NKAIN3: variants seen among roughly 807,000 people sequenced by gnomAD.
The protein encoded by NKAIN3 is sodium/potassium transporting ATPase interacting 3.
NKAIN3 carries 25 observed loss-of-function variants against 30.2 expected under a neutral mutation model. The observed-to-expected ratio is 0.83, with a 90% confidence interval of 0.60 to 1.16. The LOEUF is 1.16. Among genes scored for constraint, NKAIN3 ranks in the 50% most tolerant of loss-of-function variants. The pLI, the probability that NKAIN3 is intolerant of heterozygous loss-of-function variation, is 0.00. For missense variants in NKAIN3, 225 were observed against 254.1 expected, an observed-to-expected ratio of 0.89 and a Z score of 0.78; for synonymous variants, 91 against 89.6, an observed-to-expected ratio of 1.02 and a Z score of -0.09.
intron 4 of NKAIN3, among the ~76,000 whole-genome samples, chr8:62,851,120 C>G (rs1050859065): frequency 6.6e-6 from 1 of 152,026 alleles, no homozygotes. Context: ...CTTGTATCCT[C>G]TTTTATTTCC....
In NKAIN3 at chr8:62,834,950, CA is replaced by C. The variant is rs1819313383; in HGVS notation, c.472-83499del. On this transcript the variant is annotated intron_variant, in intron 4 of 6. Coordinates refer to ENST00000623646, the MANE Select transcript of NKAIN3 (RefSeq NM_001304533.3). ...AAATATACAATAAGGCAGCAGTAATCAAAACAGCATGGTACTGGTACAAAAA... is the reference window on the plus strand; with the variant it reads ...AAATATACAATAAGGCAGCAGTAATCAAACAGCATGGTACTGGTACAAAAA... Among the ~76,000 whole-genome samples, 4 of 152,058 alleles carry C rather than the reference CA, an allele frequency of 2.6e-5. No homozygotes were observed. In the South Asian group the frequency reaches 8.3e-4, roughly 32 times the overall value.
intron 1 of NKAIN3, among the ~76,000 whole-genome samples, chr8:62,257,728 A>C (rs367724551): frequency 6.6e-6 from 1 of 152,216 alleles, no homozygotes; most frequent in African/African-American, 2.4e-5. Flanking sequence ...AGCAAATTTC[A>C]AGGTTGTAAA....
intron 4 of NKAIN3, among the ~76,000 whole-genome samples, chr8:62,816,629 T>C (rs1818691509): frequency 1.3e-5 from 2 of 152,052 alleles, no homozygotes; most frequent in African/African-American, 4.8e-5. Flanking sequence ...GCGATCAGGG[T>C]GTAGAGTGCT....
chr8:62,455,102 C>T (rs1585827291), intron 1 of NKAIN3, among the ~76,000 whole-genome samples: 1 of 152,168 alleles, frequency 6.6e-6, no homozygotes, highest in East Asian at 1.9e-4. Context: ...AGGATAAAGT[C>T]AGAGAAGAGG....
At chr8:62,349,776 T>C (rs1585710702) in intron 1 of NKAIN3, among the ~76,000 whole-genome samples, 1 of 152,104 alleles carries the variant, frequency 6.6e-6, no homozygotes. Context: ...AAGACAAAGT[T>C]TGAATTCTTC....
intron 1 of NKAIN3, among the ~76,000 whole-genome samples, chr8:62,309,193 T>TTGTACACC (rs2129588522): frequency 6.6e-6 from 1 of 150,846 alleles, no homozygotes; most frequent in East Asian, 1.9e-4. Flanking sequence ...AAAATAATAT[T>TTGTACACC]TGTACACCTG....
intron 4 of NKAIN3, among the ~76,000 whole-genome samples, chr8:62,885,590 A>G (rs753732100): frequency 3.3e-5 from 5 of 152,216 alleles, no homozygotes; most frequent in Non-Finnish European, 5.9e-5. Flanking sequence ...TGAAGTCTCC[A>G]AGTACAATAG....
chr8:62,854,396 A>G (rs1479198323), intron 4 of NKAIN3, among the ~76,000 whole-genome samples: 1 of 152,212 alleles, frequency 6.6e-6, no homozygotes, highest in Non-Finnish European at 1.5e-5. Flanking sequence ...TATTGGGTGC[A>G]TATATATTTA....
chr8:62,893,313 A>T (rs1323665913), intron 4 of NKAIN3, among the ~76,000 whole-genome samples: 1 of 152,202 alleles, frequency 6.6e-6, no homozygotes, highest in South Asian at 2.1e-4. Flanking sequence ...TGTTTCAAGG[A>T]GTAGCAGCCA....
At chr8:62,356,475 A>G (rs150965086) in intron 1 of NKAIN3, among the ~76,000 whole-genome samples, 1 of 152,290 alleles carries the variant, frequency 6.6e-6, no homozygotes, top group African/African-American at 2.4e-5. Flanking sequence ...GTTGGCACCC[A>G]TATCCACCCA....
In NKAIN3 at chr8:62,913,833, C is replaced by T. The variant is rs565865137; in HGVS notation, c.472-4620C>T. Among the ~76,000 whole-genome samples, 5 of 152,218 alleles carry T rather than the reference C, an allele frequency of 3.3e-5. No individual in the cohort carries two copies. In the South Asian group the frequency reaches 1.0e-3, roughly 32 times the overall value. On this transcript the variant is annotated intron_variant, in intron 4 of 6. Coordinates refer to ENST00000623646, the MANE Select transcript of NKAIN3 (RefSeq NM_001304533.3). ...CAATACCCCCAGAATTTGAAATTGT[C>T]AAGAAAACTGTTTGAAATGTGCTAT...
At chr8:62,270,336 C>T (rs1463499063) in intron 1 of NKAIN3, among the ~76,000 whole-genome samples, 1 of 152,120 alleles carries the variant, frequency 6.6e-6, no homozygotes, top group Non-Finnish European at 1.5e-5. Context: ...CCTTCCTTGG[C>T]CTCTCAAAGT....
intron 3 of NKAIN3, among the ~76,000 whole-genome samples, chr8:62,729,043 A>AAAAAC (rs1815378607): frequency 3.9e-5 from 5 of 128,652 alleles, no homozygotes; most frequent in African/African-American, 6.5e-5. Context: ...AAAAAAACAA[A>AAAAAC]AAAAAAAAAC....
intron 1 of NKAIN3, among the ~76,000 whole-genome samples, chr8:62,445,771 T>G (rs1173853777): frequency 1.3e-5 from 2 of 152,144 alleles, no homozygotes; most frequent in African/African-American, 4.8e-5. Context: ...AAAATCTACC[T>G]TCAAAATAGG....
At chr8:62,497,615 C>A (rs575631055) in intron 1 of NKAIN3, among the ~76,000 whole-genome samples, 1 of 151,962 alleles carries the variant, frequency 6.6e-6, no homozygotes, top group South Asian at 2.1e-4. Flanking sequence ...GAATTTTATT[C>A]TATGTCAGAG....
chr8:62,708,483 T>A (rs1814608253), intron 3 of NKAIN3, among the ~76,000 whole-genome samples: 1 of 152,060 alleles, frequency 6.6e-6, no homozygotes, highest in Admixed American at 6.6e-5. Flanking sequence ...TTTTTGCAGC[T>A]ATTGTAAAAG....
At chr8:62,282,279 A>G (rs1289061396) in intron 1 of NKAIN3, among the ~76,000 whole-genome samples, 1 of 152,110 alleles carries the variant, frequency 6.6e-6, no homozygotes, top group East Asian at 1.9e-4. Context: ...AGGTGGGTGG[A>G]AATCAGGTGA....
intron 1 of NKAIN3, among the ~76,000 whole-genome samples, chr8:62,489,598 T>A (rs1807008428): frequency 6.6e-6 from 1 of 152,230 alleles, no homozygotes; most frequent in Non-Finnish European, 1.5e-5. Flanking sequence ...GAGTAACATT[T>A]TTAAATGATG....
chr8:62,995,202 A>G (rs1804081742), intron 5 of NKAIN3, among the ~76,000 whole-genome samples: 1 of 152,238 alleles, frequency 6.6e-6, no homozygotes, highest in South Asian at 2.1e-4. Flanking sequence ...GCTTATGTAT[A>G]TCTGAGAGCA....
Sources: gnomAD v4.1 joint callset for allele counts (sites outside exome capture counted in the v4.1 genomes callset) on GRCh38, gnomAD v4.1.1 for gene constraint, MANE v1.5 for transcripts, NCBI Gene and HGNC (gene_info 2026-07-23, HGNC 2026-07-21) for gene names.